The following KAZN variants were observed in gnomAD, a reference collection of about 807,000 sequenced individuals.
KAZN encodes the protein kazrin, periplakin interacting protein, also known as kazrin.
Under a neutral mutation model 87.4 loss-of-function variants are expected in KAZN, and 40 were observed. The observed-to-expected ratio is 0.46, with a 90% CI of 0.36 to 0.60. The LOEUF (loss-of-function observed/expected upper bound fraction) is 0.60. KAZN is among the 20% of genes least tolerant of loss of function. The pLI is 0.00. For synonymous variants in KAZN, 466 were observed against 458.3 expected, an observed-to-expected ratio of 1.02 and a Z score of -0.22; for missense variants, 898 against 1,073.9, an observed-to-expected ratio of 0.84 and a Z score of 2.29.
At chr1:14,891,411 T>C (rs1182026757) in intron 1 of KAZN, among the ~76,000 whole-genome samples, 2 of 152,204 alleles carry the variant, frequency 1.3e-5, no homozygotes, top group African/African-American at 2.4e-5. Context: ...CATACAATGT[T>C]TGGGTTTCCA....
chr1:15,028,671 A>C (rs1671404345), intron 2 of KAZN, among the ~76,000 whole-genome samples: 2 of 152,174 alleles, frequency 1.3e-5, no homozygotes, highest in South Asian at 4.2e-4. Flanking sequence ...AACTTGTGGC[A>C]CCTTTGTGTT....
chr1:14,032,740 G>A (rs1224154094), intron 1 of KAZN, among the ~76,000 whole-genome samples: 1 of 152,114 alleles, frequency 6.6e-6, no homozygotes, highest in African/African-American at 2.4e-5. Flanking sequence ...CTTAACGTGT[G>A]TAACTCCTGT....
intron 2 of KAZN, among the ~76,000 whole-genome samples, chr1:15,003,005 TACAC>T (rs113317563): frequency 0.018 from 2,359 of 131,474 alleles, 57 homozygotes; most frequent in African/African-American, 0.058. Flanking sequence ...AAAATAAACG[TACAC>T]ACACACACAC....
At chr1:14,322,279 G>A (rs1656100547) in intron 2 of KAZN, among the ~76,000 whole-genome samples, 1 of 151,560 alleles carries the variant, frequency 6.6e-6, no homozygotes, top group South Asian at 2.1e-4. Flanking sequence ...AATAAATAAA[G>A]TAAGTAAATA....
chr1:14,856,091 G>T lies in KAZN; in HGVS notation c.227-104593G>T, dbSNP rs1650066989. On this transcript the variant is annotated intron_variant, in intron 1 of 14. Transcript: ENST00000376030. This position sits in a 1 kb window ranked among gnomAD's most constrained non-coding sequence, Gnocchi z 5.2. Reference sequence around the variant, plus strand: ...TAATAACGTGATTTACATCCTTGGGGGTTTGGGTTTAAGTTACGTAGTAGT... The same window carrying T: ...TAATAACGTGATTTACATCCTTGGGTGTTTGGGTTTAAGTTACGTAGTAGT... 6.6e-6 allele frequency among the ~76,000 whole-genome samples: 1 copy of T among 152,308 alleles called. No individual in the cohort carries two copies. The highest frequency in any genetic ancestry group is 2.4e-5 in the African/African-American group (1 of 41,554).
intron 1 of KAZN, among the ~76,000 whole-genome samples, chr1:14,874,234 G>A (rs1652493548): frequency 1.3e-5 from 2 of 152,150 alleles, no homozygotes; most frequent in Non-Finnish European, 1.5e-5. Context: ...CCAACATTTG[G>A]AGGTCGGAAG....
At chr1:14,231,580 C>A (rs532301953) in intron 2 of KAZN, among the ~76,000 whole-genome samples, 15 of 152,190 alleles carry the variant, frequency 9.9e-5, no homozygotes, top group Non-Finnish European at 2.2e-4. Flanking sequence ...TCTGTGGCCT[C>A]ATACAAATCA....
chr1:14,729,248 G>A (rs532675748), intron 1 of KAZN, among the ~76,000 whole-genome samples: 8 of 152,170 alleles, frequency 5.3e-5, no homozygotes, highest in Non-Finnish European at 7.3e-5. Context: ...GCTTCACAGT[G>A]ACCCAAAGAG....
chr1:13,978,148 AAAAG>A (rs1409305426), intron 1 of KAZN, among the ~76,000 whole-genome samples: 71 of 151,402 alleles, frequency 4.7e-4, no homozygotes, highest in African/African-American at 1.7e-3. Context: ...AAAAAAAAAA[AAAAG>A]GCAATTGTTG....
chr1:14,082,907 A>G (rs902318977), intron 1 of KAZN, among the ~76,000 whole-genome samples: 1 of 152,066 alleles, frequency 6.6e-6, no homozygotes, highest in South Asian at 2.1e-4. Flanking sequence ...TTAGAATCAA[A>G]TACAAGGGCC....
At chr1:14,670,959 CG>C (rs936816338) in intron 1 of KAZN, among the ~76,000 whole-genome samples, 1 of 152,132 alleles carries the variant, frequency 6.6e-6, no homozygotes, top group Non-Finnish European at 1.5e-5. Flanking sequence ...TACTGGCATC[CG>C]GTGGGTGGAG....
intron 1 of KAZN, among the ~76,000 whole-genome samples, chr1:14,866,420 C>A (rs4661539): frequency 0.42 from 63,768 of 152,002 alleles, 13,724 homozygotes; most frequent in Non-Finnish European, 0.47. Context: ...GCCTGGCATG[C>A]AGTTAACATA....
intron 2 of KAZN, among the ~76,000 whole-genome samples, chr1:14,528,044 TATC>T (rs1671993222): frequency 6.6e-6 from 1 of 151,848 alleles, no homozygotes; most frequent in Non-Finnish European, 1.5e-5. Context: ...TCTATCTATC[TATC>T]TATGTACCTA....
intron 1 of KAZN, among the ~76,000 whole-genome samples, chr1:14,902,006 G>T (rs1325846554): frequency 6.6e-6 from 1 of 152,326 alleles, no homozygotes; most frequent in Non-Finnish European, 1.5e-5. Context: ...AACTTATGCA[G>T]ATGTGTATGC....
chr1:14,877,771 G>A (rs533460148), intron 1 of KAZN, among the ~76,000 whole-genome samples: 12 of 152,274 alleles, frequency 7.9e-5, no homozygotes, highest in Non-Finnish European at 1.5e-4. Context: ...TGCTTAGAAC[G>A]GTACAGTGCT....
At chr1:15,084,115 A>G (rs1640137138) in intron 8 of KAZN, among the ~76,000 whole-genome samples, 1 of 152,206 alleles carries the variant, frequency 6.6e-6, no homozygotes, top group Non-Finnish European at 1.5e-5. Flanking sequence ...AAACAAGTAG[A>G]ACAGGGAAGG....
intron 2 of KAZN, among the ~76,000 whole-genome samples, chr1:14,193,080 T>G (rs1036460490): frequency 6.6e-6 from 1 of 152,076 alleles, no homozygotes; most frequent in Non-Finnish European, 1.5e-5. Context: ...TCTCAAAAGA[T>G]CTGATGGTTT....
At chr1:14,421,279 A>G (rs1313840875) in intron 2 of KAZN, among the ~76,000 whole-genome samples, 1 of 152,156 alleles carries the variant, frequency 6.6e-6, no homozygotes, top group Non-Finnish European at 1.5e-5. Context: ...TGAATAGTAG[A>G]GCATTCCTAG....
At chr1:15,008,177 G>T (rs536530334) in intron 2 of KAZN, among the ~76,000 whole-genome samples, 1 of 152,208 alleles carries the variant, frequency 6.6e-6, no homozygotes, top group African/African-American at 2.4e-5. Context: ...TGAGCCCAGC[G>T]CTTGGGCCAC....
Sources: gnomAD v4.1 joint callset for allele counts (sites outside exome capture counted in the v4.1 genomes callset) on GRCh38, gnomAD v4.1.1 for gene constraint, Gnocchi (gnomAD v3.1) non-coding constraint, MANE v1.5 for transcripts, NCBI Gene and HGNC (gene_info 2026-07-23, HGNC 2026-07-21) for gene names.